MAP4K5: variants seen among roughly 807,000 people sequenced by gnomAD.
MAP4K5 encodes the protein MAPK/ERK kinase kinase kinase 5.
In MAP4K5, 82 loss-of-function variants were observed where a neutral mutation model predicts 135.6. The ratio of observed to expected loss-of-function variants is 0.60; its 90% CI spans 0.51 to 0.73. The LOEUF is 0.73. MAP4K5 is among the 30% of genes least tolerant of loss of function. MAP4K5 has a pLI of 0.00. For synonymous variants in MAP4K5, 347 were observed against 335.0 expected (o/e 1.04, Z -0.39); for missense variants, 907 against 1,010.9 (o/e 0.90, Z 1.39).
intron 2 of MAP4K5, among the ~76,000 whole-genome samples, chr14:50,525,682 A>C (rs1303689299): frequency 6.6e-6 from 1 of 152,116 alleles, no homozygotes; most frequent in Non-Finnish European, 1.5e-5. Context: ...CAAAAAAATA[A>C]AATAAAATAC....
chr14:50,524,631 G>C (rs185114328), intron 2 of MAP4K5, among the ~76,000 whole-genome samples: 128 of 152,122 alleles, frequency 8.4e-4, no homozygotes, highest in African/African-American at 2.9e-3. Flanking sequence ...GAAATGTAAT[G>C]TTTAAACAGA....
intron 13 of MAP4K5, among the ~76,000 whole-genome samples, chr14:50,459,286 T>TA (rs2036658857): frequency 6.6e-6 from 1 of 152,214 alleles, no homozygotes; most frequent in South Asian, 2.1e-4. Context: ...TAGTAAATAG[T>TA]AAATATATCC....
At chr14:50,549,745 A>C (rs573309417) in intron 1 of MAP4K5, among the ~76,000 whole-genome samples, 7 of 152,310 alleles carry the variant, frequency 4.6e-5, no homozygotes, top group Admixed American at 3.9e-4. Flanking sequence ...ATAACCCAAC[A>C]GGGGCAGGAC....
In MAP4K5 at chr14:50,438,579, T is replaced by C. The variant is rs566693155; in HGVS notation, c.1706-485A>G. ...CATATAATAAAAAATATGGCTGTAT[T>C]AAGTAAGAGGGATGGATATGGTAAA... is the stretch of plus-strand genomic sequence containing the variant. On this transcript the variant is annotated intron_variant, in intron 23 of 32. Coordinates refer to ENST00000682126, the MANE Select transcript of MAP4K5 (RefSeq NM_006575.6). Among the ~76,000 whole-genome samples the C allele has an allele frequency of 7.2e-5, 11 of 152,150 alleles. No individual in the cohort carries two copies. The East Asian group carries it at 1.9e-3, about 27-fold the overall frequency.
chr14:50,510,721 TAGAA>T (rs2037914241), intron 2 of MAP4K5, among the ~76,000 whole-genome samples: 1 of 152,190 alleles, frequency 6.6e-6, no homozygotes, highest in Admixed American at 6.5e-5. Context: ...GATTTTGTGG[TAGAA>T]AAATTAAAAT....
intron 3 of MAP4K5, among the ~76,000 whole-genome samples, chr14:50,500,275 C>T (rs149096111): frequency 1.4e-4 from 22 of 152,258 alleles, no homozygotes; most frequent in African/African-American, 4.1e-4. Context: ...AAGTATCAGG[C>T]ACTCACGTGT....
chr14:50,447,416 G>T lies in MAP4K5; in HGVS notation c.1140C>A (p.Gly380=). 2 of 1,536,074 alleles carry T rather than the reference G, an allele frequency of 1.3e-6. No individual in the cohort carries two copies. The highest frequency in any genetic ancestry group is 1.2e-5 in the South Asian group (1 of 81,862). The change falls in exon 16 of 33, where the codon GGC becomes GGA. Residue 380 remains glycine, a splice_region_variant and synonymous_variant. Coordinates refer to ENST00000682126, the MANE Select transcript of MAP4K5 (RefSeq NM_006575.6). ...WNPFVDGANT[G]KSTSKRAIPP... ...TATTAAATTAGAAAACAACTTACTT[G>T]CCAGTATTTGCACCATCAACAAAAG...
intron 10 of MAP4K5, among the ~76,000 whole-genome samples, chr14:50,467,300 T>C (rs1182731620): frequency 1.3e-5 from 2 of 152,090 alleles, no homozygotes; most frequent in East Asian, 3.8e-4. Flanking sequence ...AATTCCTGTT[T>C]CTTTTTTAGC....
intron 2 of MAP4K5, among the ~76,000 whole-genome samples, chr14:50,523,494 C>T (rs1005956153): frequency 1.3e-5 from 2 of 152,054 alleles, no homozygotes; most frequent in African/African-American, 4.8e-5. Flanking sequence ...CCTTTGATTA[C>T]CCAGTTATCC....
At position 50,457,774 on chromosome 14, in the gene MAP4K5, A is replaced by C. The variant is rs149147880; in HGVS notation, c.937-1180T>G. Reference sequence around the variant, plus strand: ...CCCATAACACTTGTTCAATGTTCCCATTGGAATATCAAGTCCATTGATTCA... The same window carrying C: ...CCCATAACACTTGTTCAATGTTCCCCTTGGAATATCAAGTCCATTGATTCA... On this transcript the variant is annotated intron_variant, in intron 13 of 32. Coordinates refer to ENST00000682126, the MANE Select transcript of MAP4K5 (RefSeq NM_006575.6). Among the ~76,000 whole-genome samples the C allele has an allele frequency of 2.2e-3, 332 of 152,274 alleles. 1 individual carries two copies. The highest frequency in any genetic ancestry group is 2.2e-3 in the Non-Finnish European group (151 of 68,028).
At chr14:50,501,052 G>A (rs1029807118) in intron 3 of MAP4K5, among the ~76,000 whole-genome samples, 3 of 151,970 alleles carry the variant, frequency 2.0e-5, no homozygotes, top group Admixed American at 6.6e-5. Flanking sequence ...ATAAAACTAA[G>A]TCTAAATAAT....
chr14:50,441,342 C>T (rs540934330), intron 21 of MAP4K5, among the ~76,000 whole-genome samples: 2 of 152,218 alleles, frequency 1.3e-5, no homozygotes, highest in Admixed American at 1.3e-4. Context: ...TCGATATTAA[C>T]ATCACTAGTA....
chr14:50,496,510 T>A (rs2037597197), intron 3 of MAP4K5, among the ~76,000 whole-genome samples: 1 of 152,002 alleles, frequency 6.6e-6, no homozygotes, highest in Non-Finnish European at 1.5e-5. Context: ...ATATATATAT[T>A]TCTTTCTTTC....
intron 11 of MAP4K5, among the ~76,000 whole-genome samples, chr14:50,465,432 A>C (rs2036809816): frequency 6.6e-6 from 1 of 152,232 alleles, no homozygotes; most frequent in Non-Finnish European, 1.5e-5. Context: ...ATTTTTATTA[A>C]CCAATTGATG....
chr14:50,434,339 G>A, intron 28 of MAP4K5, 55 bp downstream of exon 28: 1 of 1,421,514 alleles, frequency 7.0e-7, no homozygotes, highest in East Asian at 2.4e-5. Flanking sequence ...GTGGTGTTTT[G>A]CTTCTTTTAT....
chr14:50,423,631 C>T (rs754850038), intron 31 of MAP4K5, among the ~76,000 whole-genome samples: 1 of 151,880 alleles, frequency 6.6e-6, no homozygotes, highest in Non-Finnish European at 1.5e-5. Context: ...TACCTGGGCA[C>T]AGTGGTGCAT....
rs138375632 is a variant in MAP4K5 at position 50,459,701 on chromosome 14, T to C, written c.936+2964A>G. 2.5e-3 allele frequency among the ~76,000 whole-genome samples: 363 copies of C among 145,490 alleles called. 1 individual carries two copies. Among genetic ancestry groups the C allele is most frequent in the African/African-American group, 8.1e-3 (329 of 40,480 alleles). ...CAGACTGACTTTTCTTTCTTTCTCT[T>C]TTTTTTTTTTTCCTGAGACAGGGTC... On this transcript the variant is annotated intron_variant, in intron 13 of 32. Coordinates refer to ENST00000682126, the MANE Select transcript of MAP4K5 (RefSeq NM_006575.6).
intron 21 of MAP4K5, among the ~76,000 whole-genome samples, chr14:50,442,133 T>C (rs2036243278): frequency 6.6e-6 from 1 of 152,042 alleles, no homozygotes; most frequent in African/African-American, 2.4e-5. Context: ...TTCAGAAACA[T>C]AGTCTACATT....
upstream of MAP4K5, among the ~76,000 whole-genome samples, chr14:50,534,682 G>A (rs1223549876): frequency 6.6e-6 from 1 of 152,212 alleles, no homozygotes; most frequent in Admixed American, 6.5e-5. Flanking sequence ...ACTCTATGTG[G>A]TGGTTAAAAA....
Sources: gnomAD v4.1 joint callset for allele counts (sites outside exome capture counted in the v4.1 genomes callset) on GRCh38, gnomAD v4.1.1 for gene constraint, MANE v1.5 for transcripts, NCBI Gene and HGNC (gene_info 2026-07-23, HGNC 2026-07-21) for gene names.